The following PLCG2 variants were observed in gnomAD, a reference collection of about 807,000 sequenced individuals.
The protein encoded by PLCG2 is phospholipase C gamma 2.
In PLCG2, 69 loss-of-function variants were observed where a neutral mutation model predicts 175.6. That is an observed-to-expected ratio of 0.39 (90% CI 0.32 to 0.48). The LOEUF is 0.48. Ranked by LOEUF, PLCG2 falls within the 20% of genes least tolerant of loss-of-function variation. The pLI, the probability that PLCG2 is intolerant of heterozygous loss-of-function variation, is 0.91. For missense variants in PLCG2, 1,798 were observed against 1,650.9 expected (o/e 1.09, Z -1.54); for synonymous variants, 827 against 624.0 (o/e 1.33, Z -4.85).
chr16:81,768,733 T>G (rs903799053), intron 2 of PLCG2, among the ~76,000 whole-genome samples: 16 of 151,658 alleles, frequency 1.1e-4, no homozygotes, highest in African/African-American at 3.9e-4. Context: ...ACCTGGGAAA[T>G]TTTTTGTATT....
chr16:81,952,178 C>T (rs1178392693), intron 31 of PLCG2, among the ~76,000 whole-genome samples: 2 of 151,834 alleles, frequency 1.3e-5, no homozygotes, highest in Non-Finnish European at 2.9e-5. Context: ...ACCATGTGAA[C>T]AAGTAGAAAT....
intron 11 of PLCG2, 110 bp downstream of exon 11, chr16:81,891,700 G>T: frequency 1.5e-6 from 1 of 675,520 alleles, no homozygotes; most frequent in Non-Finnish European, 2.7e-6. Flanking sequence ...CAGGTGGAGG[G>T]TGTAGCACCG....
rs947279536 is a variant in PLCG2, at chr16:81,961,995, G to C, written c.*3997G>C. 1.0e-5 allele frequency: 2 copies of C among 195,700 alleles called. No homozygotes were observed. Among genetic ancestry groups the C allele is most frequent in the Non-Finnish European group, 2.2e-5 (2 of 92,120 alleles). The allele number at this position is 195,700 out of a possible 1,614,324, so 12.1% of individuals were successfully genotyped here. A position where few individuals can be genotyped will look rare whatever the true frequency, so the allele number is the denominator to read the frequency against. Reference sequence around the variant, plus strand: ...CGCCAGGGTTGATTCGGCTGATCTGGCTGGCTAGGTGGGTGTCCCCTTCCT... The same window carrying C: ...CGCCAGGGTTGATTCGGCTGATCTGCCTGGCTAGGTGGGTGTCCCCTTCCT... On this transcript the variant is annotated 3_prime_UTR_variant, in exon 33 of 33. Coordinates refer to ENST00000564138, the MANE Select transcript of PLCG2 (RefSeq NM_002661.5).
At chr16:81,791,674 C>G (rs1413540923) in intron 2 of PLCG2, among the ~76,000 whole-genome samples, 1 of 152,184 alleles carries the variant, frequency 6.6e-6, no homozygotes, top group Non-Finnish European at 1.5e-5. Context: ...AAGCTATTCT[C>G]CCACCTCAGC....
At chr16:81,785,848 C>T (rs1401081108) in intron 1 of PLCG2, 95 bp from the exon 2 acceptor site, 14 of 728,778 alleles carry the variant, frequency 1.9e-5, no homozygotes, top group Admixed American at 1.0e-4. Context: ...TCCTGATTGA[C>T]ATGAGACAGG....
chr16:81,916,324 GA>G (rs1308142646), intron 19 of PLCG2, among the ~76,000 whole-genome samples: 2 of 150,570 alleles, frequency 1.3e-5, no homozygotes, highest in South Asian at 2.1e-4. Flanking sequence ...TTTAAAAAAA[GA>G]AAAAAATAAA....
intron 13 of PLCG2, among the ~76,000 whole-genome samples, chr16:81,897,545 TTTC>T (rs1277029549): frequency 1.1e-3 from 126 of 110,970 alleles, no homozygotes; most frequent in African/African-American, 3.8e-3. Context: ...TTTCTTTTCT[TTTC>T]TTTTTTTTTT....
intron 1 of PLCG2, among the ~76,000 whole-genome samples, chr16:81,751,621 C>T (rs1428468535): frequency 6.6e-6 from 1 of 152,150 alleles, no homozygotes; most frequent in African/African-American, 2.4e-5. Flanking sequence ...TAAATTCAAA[C>T]AGTCTCATCA....
At chr16:81,817,026 G>C (rs142036806) in intron 2 of PLCG2, among the ~76,000 whole-genome samples, 1 of 152,312 alleles carries the variant, frequency 6.6e-6, no homozygotes, top group Non-Finnish European at 1.5e-5. Context: ...GGATGCGTTA[G>C]ATGCTGGGGA....
intron 19 of PLCG2, among the ~76,000 whole-genome samples, chr16:81,917,807 C>T (rs542097101): frequency 4.6e-5 from 7 of 152,250 alleles, no homozygotes; most frequent in African/African-American, 7.2e-5. Context: ...CTGCAAGCTC[C>T]GCCTCCTGGG....
intron 24 of PLCG2, 24 bp from the exon 25 acceptor site, chr16:81,931,473 C>G (rs899837464): frequency 6.2e-7 from 1 of 1,610,648 alleles, no homozygotes; most frequent in African/African-American, 1.3e-5. Context: ...CTGATTGGGA[C>G]ATTTCTTATT....
intron 11 of PLCG2, 57 bp from the exon 12 acceptor site, chr16:81,893,652 G>GC (rs1375504126): frequency 1.1e-5 from 11 of 1,031,402 alleles, no homozygotes; most frequent in Non-Finnish European, 1.4e-5. Context: ...GTGCAGGCTT[G>GC]CCCCCCAACC....
intron 17 of PLCG2, among the ~76,000 whole-genome samples, chr16:81,909,094 G>A (rs1909505506): frequency 6.6e-6 from 1 of 152,254 alleles, no homozygotes; most frequent in Non-Finnish European, 1.5e-5. Context: ...TGCATTAAAA[G>A]ATACTTCTTG....
chr16:81,760,989 G>C (rs928437143), intron 2 of PLCG2, among the ~76,000 whole-genome samples: 1 of 152,036 alleles, frequency 6.6e-6, no homozygotes, highest in Non-Finnish European at 1.5e-5. Flanking sequence ...CGGCAACAGC[G>C]ACCTCCTGGG....
Position 81,786,000 on chromosome 16 carries a change from C to A in PLCG2, c.11C>A (p.Thr4Lys). The change falls in exon 2 of 33, where the codon ACG becomes AAG. Residue 4 changes from threonine (T) to lysine (K), a missense_variant. Physicochemically the swap from Thr to Lys is moderately conservative, Grantham distance 78 (BLOSUM62 -1). Transcript: ENST00000564138. Reference protein sequence around the residue: MSTTVNVDSLAEYE... With the variant: MSTKVNVDSLAEYE... Reference sequence around the variant, plus strand: ...CTGGAGCGGCCGACAATGTCCACCACGGTCAATGTAGATTCCCTTGCGGAA... The same window carrying A: ...CTGGAGCGGCCGACAATGTCCACCAAGGTCAATGTAGATTCCCTTGCGGAA... 1 of 1,613,544 alleles carries A rather than the reference C, an allele frequency of 6.2e-7. No homozygotes were observed. The highest frequency in any genetic ancestry group is 8.5e-7 in the Non-Finnish European group (1 of 1,179,606).
chr16:81,864,581 A>T (rs886790998), intron 5 of PLCG2, among the ~76,000 whole-genome samples: 6 of 152,194 alleles, frequency 3.9e-5, no homozygotes, highest in Non-Finnish European at 8.8e-5. Flanking sequence ...AGATAAAATA[A>T]TAGTTCCCGC....
chr16:81,805,642 A>G (rs557837787), intron 2 of PLCG2, among the ~76,000 whole-genome samples: 69 of 152,000 alleles, frequency 4.5e-4, no homozygotes, highest in Admixed American at 7.9e-4. Flanking sequence ...CACCCCACTC[A>G]CAATGCTTTG....
intron 3 of PLCG2, chr16:81,857,802 G>C (rs544743222): frequency 6.3e-6 from 1 of 159,110 alleles, no homozygotes; most frequent in Admixed American, 6.0e-5. Flanking sequence ...GCTATGAGCT[G>C]TGTGGCCTTG....
intron 7 of PLCG2, among the ~76,000 whole-genome samples, chr16:81,873,770 T>C (rs1907633701): frequency 6.6e-6 from 1 of 152,104 alleles, no homozygotes; most frequent in African/African-American, 2.4e-5. Context: ...TCTGTATTAT[T>C]AAATAATATT....
Sources: allele counts gnomAD v4.1 joint callset (sites outside exome capture counted in the v4.1 genomes callset), GRCh38; gene constraint gnomAD v4.1.1; transcripts MANE v1.5; gene names NCBI Gene and HGNC (gene_info 2026-07-23, HGNC 2026-07-21).